The following PKNOX1 variants were observed in gnomAD, a reference collection of about 807,000 sequenced individuals.
PKNOX1 encodes the protein homeobox protein PKNOX1.
In PKNOX1, 15 loss-of-function variants were observed where a neutral mutation model predicts 51.9. That is an observed-to-expected ratio of 0.29 (90% confidence interval 0.19 to 0.45). PKNOX1 has a LOEUF of 0.45. Ranked by LOEUF, PKNOX1 falls within the 20% of genes least tolerant of loss-of-function variation. The pLI is 1.00. For missense variants in PKNOX1, 462 were observed against 547.5 expected (o/e 0.84, Z 1.56); for synonymous variants, 219 against 211.1 (o/e 1.04, Z -0.32).
intron 8 of PKNOX1, among the ~76,000 whole-genome samples, chr21:43,023,637 T>A (rs907238323): frequency 1.3e-5 from 2 of 151,612 alleles, no homozygotes; most frequent in Admixed American, 1.3e-4. Context: ...GGATTTTTTT[T>A]TTTTATTTTT....
At chr21:43,003,376 T>A (rs1220418467) in intron 1 of PKNOX1, among the ~76,000 whole-genome samples, 1 of 152,220 alleles carries the variant, frequency 6.6e-6, no homozygotes, top group Non-Finnish European at 1.5e-5. Flanking sequence ...TGCGGTTTTC[T>A]GTTGTCATGA....
At chr21:42,979,516 G>A (rs1601262420) in intron 1 of PKNOX1, among the ~76,000 whole-genome samples, 1 of 152,218 alleles carries the variant, frequency 6.6e-6, no homozygotes, top group East Asian at 1.9e-4. Flanking sequence ...GCCGAGGCGG[G>A]TGGATCACGA....
At chr21:43,028,657 T>C in intron 9 of PKNOX1, 45 bp from the exon 10 acceptor site, 1 of 1,588,700 alleles carries the variant, frequency 6.3e-7, no homozygotes. Context: ...GTATAGGGTC[T>C]TTACGAAGGC....
Position 42,975,429 on chromosome 21 carries a change from A to G in PKNOX1, c.-57+765A>G, listed in dbSNP as rs1344406652. On this transcript the variant is annotated intron_variant, in intron 1 of 10. Coordinates refer to ENST00000291547, the MANE Select transcript of PKNOX1 (RefSeq NM_004571.5). ...CGGCGTCCCGGGAATTGGTGGGAAG[A>G]GCCGCTTCTGTCACACGGGTCGTGG... Among the ~76,000 whole-genome samples the G allele has an allele frequency of 2.0e-5, 3 of 152,096 alleles. No homozygotes were observed. In the East Asian group the frequency reaches 5.8e-4, roughly 30 times the overall value.
At chr21:43,001,010 C>T (rs777518847) in intron 1 of PKNOX1, among the ~76,000 whole-genome samples, 16 of 152,198 alleles carry the variant, frequency 1.1e-4, no homozygotes, top group Non-Finnish European at 1.9e-4. Context: ...ATTAGAGCCA[C>T]TGCACTGGGG....
intron 1 of PKNOX1, among the ~76,000 whole-genome samples, chr21:42,977,523 T>C (rs1422131475): frequency 6.9e-6 from 1 of 144,252 alleles, no homozygotes; most frequent in East Asian, 2.1e-4. Context: ...TGAACCAGCC[T>C]CTGCTGCTTC....
intron 1 of PKNOX1, among the ~76,000 whole-genome samples, chr21:42,980,125 C>T (rs898873967): frequency 3.3e-5 from 5 of 152,106 alleles, no homozygotes; most frequent in Non-Finnish European, 5.9e-5. Flanking sequence ...GTAATCCTAG[C>T]GCTTTGGGAG....
chr21:43,001,378 C>T (rs1229580339), intron 1 of PKNOX1, among the ~76,000 whole-genome samples: 2 of 152,220 alleles, frequency 1.3e-5, no homozygotes, highest in Non-Finnish European at 2.9e-5. Flanking sequence ...CCTGCAGGCT[C>T]TCCTGCTCAT....
Position 43,008,438 on chromosome 21 carries a change from G to A in PKNOX1, c.179+820G>A, listed in dbSNP as rs1314807921. Among the ~76,000 whole-genome samples the A allele has an allele frequency of 5.3e-5, 8 of 152,226 alleles. No homozygotes were observed. In the South Asian group the frequency reaches 1.5e-3, roughly 28 times the overall value. Reference sequence around the variant, plus strand: ...TAGCAATATGTAAAAAGAATAATACGTAGCGACCAAGTCAAGTTTTTCCTG... The same window carrying A: ...TAGCAATATGTAAAAAGAATAATACATAGCGACCAAGTCAAGTTTTTCCTG... On this transcript the variant is annotated intron_variant, in intron 3 of 10. Transcript: ENST00000291547.
rs116542413 is a variant in PKNOX1, at chr21:43,014,922, T to C, written c.522+1684T>C. ...CAAAAACATCTTGCTTAGATTTTGA[T>C]AGGAATTGTATTATACCTGTATATC... On this transcript the variant is annotated intron_variant, in intron 5 of 10. Transcript: ENST00000291547. Among the ~76,000 whole-genome samples the C allele has an allele frequency of 4.4e-3, 667 of 152,386 alleles. 4 individuals carry two copies. Among genetic ancestry groups the C allele is most frequent in the African/African-American group, 0.015 (626 of 41,590 alleles).
chr21:42,976,996 G>A (rs921266268), intron 1 of PKNOX1, among the ~76,000 whole-genome samples: 1 of 152,228 alleles, frequency 6.6e-6, no homozygotes. Context: ...GGTGTTAGCA[G>A]ACATGAAGAC....
intron 1 of PKNOX1, among the ~76,000 whole-genome samples, chr21:42,986,758 A>G (rs757273435): frequency 6.6e-6 from 1 of 152,206 alleles, no homozygotes; most frequent in Non-Finnish European, 1.5e-5. Context: ...AACAAAACAC[A>G]ATACCTAGAG....
intron 9 of PKNOX1, among the ~76,000 whole-genome samples, chr21:43,026,044 T>C (rs1979971844): frequency 6.6e-6 from 1 of 152,232 alleles, no homozygotes. Flanking sequence ...ATTCTGCTCA[T>C]GTGCTTGTTT....
rs541588321 is a variant in PKNOX1, at chr21:42,997,433, C to CA, written c.-56-6885dup. ...TTTTGTCAACTGTGCATCAGCCAAA[C>CA]AAAAAAAATTAAAATTGCCTAAAGT... On this transcript the variant is annotated intron_variant, in intron 1 of 10. Transcript: ENST00000291547. 5.6e-4 allele frequency among the ~76,000 whole-genome samples: 85 copies of CA among 151,964 alleles called. 1 individual carries two copies. Among genetic ancestry groups the CA allele is most frequent in the Non-Finnish European group, 1.1e-3 (75 of 67,930 alleles).
chr21:43,018,120 T>G lies in PKNOX1; in HGVS notation c.623-13T>G, dbSNP rs754861900. 16 of 1,501,000 alleles carry G rather than the reference T, an allele frequency of 1.1e-5. No homozygotes were observed. The South Asian group carries it at 1.8e-4, about 17-fold the overall frequency. The allele number at this position is 1,501,000 out of a possible 1,614,324, so 93.0% of individuals were successfully genotyped here. ...CTTAAAAGCAGCCTCATATTTTTAT[T>G]CTCCCTTTCGAGGTGGCACAGTGTA... On this transcript the variant is annotated splice_polypyrimidine_tract_variant and intron_variant, in intron 6 of 10. Transcript: ENST00000291547.
At chr21:42,983,671 T>C (rs913442171) in intron 1 of PKNOX1, among the ~76,000 whole-genome samples, 1 of 152,236 alleles carries the variant, frequency 6.6e-6, no homozygotes, top group East Asian at 1.9e-4. Flanking sequence ...TGCTGGATCA[T>C]ACTGGAATTC....
intron 1 of PKNOX1, among the ~76,000 whole-genome samples, chr21:42,990,520 G>C (rs1041765171): frequency 6.6e-6 from 1 of 152,144 alleles, no homozygotes; most frequent in African/African-American, 2.4e-5. Context: ...AGTAGGGAAG[G>C]GGCAGTGTTA....
rs1222493297 is a variant in PKNOX1 at position 43,021,587 on chromosome 21, G to A, written c.849+156G>A. On this transcript the variant is annotated intron_variant, in intron 8 of 10. Coordinates refer to ENST00000291547, the MANE Select transcript of PKNOX1 (RefSeq NM_004571.5). This position sits in a 1 kb window ranked among gnomAD's most constrained non-coding sequence, Gnocchi z 4.6. ...ATGTCCATAATGTGGGGAGCGTGGG[G>A]CACTGCTGCAGGGAACTTGAAGGGC... Among the ~76,000 whole-genome samples, 1 of 152,230 alleles carries A rather than the reference G, an allele frequency of 6.6e-6. No homozygotes were observed. Among genetic ancestry groups the A allele is most frequent in the Non-Finnish European group, 1.5e-5 (1 of 68,034 alleles).
chr21:43,016,374 C>T (rs1979489022), intron 5 of PKNOX1, among the ~76,000 whole-genome samples: 1 of 152,230 alleles, frequency 6.6e-6, no homozygotes, highest in Admixed American at 6.5e-5. Context: ...CTGGGGAAAG[C>T]CAAGATCACA....
Sources: allele counts gnomAD v4.1 joint callset (sites outside exome capture counted in the v4.1 genomes callset), GRCh38; gene constraint gnomAD v4.1.1; non-coding constraint Gnocchi (gnomAD v3.1); transcripts MANE v1.5; gene names NCBI Gene and HGNC (gene_info 2026-07-23, HGNC 2026-07-21).